The following ARHGAP24 variants were observed in gnomAD, a reference collection of about 807,000 sequenced individuals.
The protein encoded by ARHGAP24 is rho GTPase-activating protein 24.
In ARHGAP24, 50 loss-of-function variants were observed where a neutral mutation model predicts 76.4. The observed-to-expected ratio is 0.65, with a 90% CI of 0.52 to 0.83. The LOEUF (loss-of-function observed/expected upper bound fraction) is 0.83. Ranked by LOEUF, ARHGAP24 falls within the 40% of genes least tolerant of loss-of-function variation. ARHGAP24 has a pLI of 0.00. For synonymous variants in ARHGAP24, 345 were observed against 323.3 expected, an observed-to-expected ratio of 1.07 and a Z score of -0.72; for missense variants, 930 against 914.2, an observed-to-expected ratio of 1.02 and a Z score of -0.22.
In ARHGAP24 at chr4:85,609,739, TG is replaced by T. The variant is rs564044924; in HGVS notation, c.180+39019del. ...TTGCACATATTAATGGGACACAGTG[TG>T]ATGTCTTAATGGATATATACATTGT... On this transcript the variant is annotated intron_variant, in intron 2 of 9. Coordinates refer to ENST00000395184, the MANE Select transcript of ARHGAP24 (RefSeq NM_001025616.3). Among the ~76,000 whole-genome samples the T allele has an allele frequency of 3.0e-3, 458 of 152,300 alleles. 1 individual carries two copies. Among genetic ancestry groups the T allele is most frequent in the African/African-American group, 0.011 (441 of 41,568 alleles).
chr4:85,526,225 C>T (rs573607367), intron 1 of ARHGAP24, among the ~76,000 whole-genome samples: 4 of 151,878 alleles, frequency 2.6e-5, no homozygotes, highest in African/African-American at 4.8e-5. Flanking sequence ...GCCTGGACAA[C>T]GTGGCAAAAC....
At chr4:85,653,327 A>G (rs1722014580) in intron 2 of ARHGAP24, among the ~76,000 whole-genome samples, 1 of 152,182 alleles carries the variant, frequency 6.6e-6, no homozygotes, top group Admixed American at 6.5e-5. Flanking sequence ...TAATTTGGTA[A>G]AAGGGCCTAA....
intron 5 of ARHGAP24, among the ~76,000 whole-genome samples, chr4:85,965,332 C>A (rs1385491010): frequency 1.3e-5 from 2 of 152,024 alleles, no homozygotes; most frequent in Non-Finnish European, 2.9e-5. Context: ...AAAGACCAGC[C>A]CCCATGATTC....
intron 5 of ARHGAP24, among the ~76,000 whole-genome samples, chr4:85,949,626 G>T (rs1321322958): frequency 6.6e-6 from 1 of 152,144 alleles, no homozygotes; most frequent in African/African-American, 2.4e-5. Context: ...AGACAGTAAG[G>T]GTGGAAGCTA....
intron 2 of ARHGAP24, among the ~76,000 whole-genome samples, chr4:85,676,852 A>G (rs1026895961): frequency 2.0e-5 from 3 of 152,230 alleles, no homozygotes; most frequent in Admixed American, 2.0e-4. Context: ...TTGAAGTACA[A>G]TAGCATGGTA....
At chr4:85,513,893 G>A (rs1724382123) in intron 1 of ARHGAP24, among the ~76,000 whole-genome samples, 1 of 152,136 alleles carries the variant, frequency 6.6e-6, no homozygotes, top group African/African-American at 2.4e-5. Flanking sequence ...CTAAGTCACA[G>A]TTGCAGTATC....
At position 85,995,009 on chromosome 4, in the gene ARHGAP24, C is replaced by T. The variant is rs199568354; in HGVS notation, c.1355C>T (p.Thr452Ile). The T allele has an allele frequency of 8.4e-5, 135 of 1,613,936 alleles. 1 individual carries two copies. Among genetic ancestry groups the T allele is most frequent in the Non-Finnish European group, 1.4e-5 (17 of 1,180,032 alleles). ...GAAGGTCTTGAGAAAACCCAAACCA[C>T]CCCCAATGGGAGCCTACAGGCCAGA... Reference protein sequence around the residue: ...NAEGLEKTQTTPNGSLQARRS... With the variant: ...NAEGLEKTQTIPNGSLQARRS... Residue 452 changes from threonine to isoleucine, a missense_variant, in exon 9 of 10, where the codon ACC (threonine) becomes ATC (isoleucine). Physicochemically the swap from Thr to Ile is moderately conservative, Grantham distance 89 (BLOSUM62 -1). Transcript: ENST00000395184.
At chr4:85,904,694 G>T (rs1235863634) in intron 3 of ARHGAP24, among the ~76,000 whole-genome samples, 1 of 152,168 alleles carries the variant, frequency 6.6e-6, no homozygotes. Context: ...ATTCAGAAAT[G>T]AAATACCAAG....
At chr4:85,562,408 T>C (rs1183100861) in intron 1 of ARHGAP24, among the ~76,000 whole-genome samples, 1 of 146,202 alleles carries the variant, frequency 6.8e-6, no homozygotes, top group Non-Finnish European at 1.5e-5. Context: ...GTACACTTAG[T>C]TTTATGTGAA....
At chr4:85,689,763 G>T (rs1028535324) in intron 2 of ARHGAP24, among the ~76,000 whole-genome samples, 2 of 152,152 alleles carry the variant, frequency 1.3e-5, no homozygotes, top group African/African-American at 4.8e-5. Flanking sequence ...GGAGCCTTTT[G>T]TCAGAGTCTT....
intron 2 of ARHGAP24, among the ~76,000 whole-genome samples, chr4:85,721,558 C>A (rs761230447): frequency 6.6e-6 from 1 of 152,142 alleles, no homozygotes; most frequent in Non-Finnish European, 1.5e-5. Flanking sequence ...TAAGATTATA[C>A]TACCAATTAA....
intron 2 of ARHGAP24, among the ~76,000 whole-genome samples, chr4:85,669,121 C>G (rs1722735282): frequency 6.6e-6 from 1 of 152,134 alleles, no homozygotes; most frequent in Non-Finnish European, 1.5e-5. Flanking sequence ...AGTGACCACA[C>G]TATTCATTGT....
At chr4:85,677,870 AG>A (rs1332716176) in intron 2 of ARHGAP24, among the ~76,000 whole-genome samples, 2 of 152,120 alleles carry the variant, frequency 1.3e-5, no homozygotes, top group Non-Finnish European at 2.9e-5. Flanking sequence ...AAACATAGCA[AG>A]ACCCTATCTC....
chr4:85,927,192 G>A (rs1400868990), intron 4 of ARHGAP24, among the ~76,000 whole-genome samples: 1 of 152,068 alleles, frequency 6.6e-6, no homozygotes, highest in Non-Finnish European at 1.5e-5. Flanking sequence ...ATAACACCAC[G>A]AATGAAGCTT....
At chr4:85,702,406 A>G (rs545791526) in intron 2 of ARHGAP24, among the ~76,000 whole-genome samples, 70 of 152,346 alleles carry the variant, frequency 4.6e-4, no homozygotes, top group Non-Finnish European at 7.9e-4. Context: ...GTTTTAGGTT[A>G]TTTATTAGCA....
At position 85,475,370 on chromosome 4, in the gene ARHGAP24, C is replaced by G. The variant is rs1312677811; in HGVS notation, c.-210C>G. ...CCATCGCAGGCGCAGCTCTCTCGGC[C>G]GCCTATTTCCTCCGAAACCCGCGCT... On this transcript the variant is annotated 5_prime_UTR_variant, in exon 1 of 10. Transcript: ENST00000395184. The G allele has an allele frequency of 6.5e-6, 1 of 152,808 alleles. No homozygotes were observed. The highest frequency in any genetic ancestry group is 1.5e-5 in the Non-Finnish European group (1 of 68,214). 9.5% of individuals were successfully genotyped at this position (152,808 alleles called of 1,614,324 possible).
At chr4:85,728,324 G>C (rs376034828) in intron 3 of ARHGAP24, among the ~76,000 whole-genome samples, 2 of 150,882 alleles carry the variant, frequency 1.3e-5, no homozygotes, top group East Asian at 2.0e-4. Context: ...ATCATTGACT[G>C]TAGTTTAAGA....
At chr4:85,564,970 A>ATATATATAT (rs1553914962) in intron 1 of ARHGAP24, among the ~76,000 whole-genome samples, 2 of 116,502 alleles carry the variant, frequency 1.7e-5, no homozygotes, top group Non-Finnish European at 3.6e-5. Flanking sequence ...ATATATATAT[A>ATATATATAT]CCCACACCCA....
At chr4:85,519,910 T>C (rs776481374) in intron 1 of ARHGAP24, among the ~76,000 whole-genome samples, 1 of 152,136 alleles carries the variant, frequency 6.6e-6, no homozygotes, top group African/African-American at 2.4e-5. Flanking sequence ...CTTACATCAT[T>C]TTCCATACAA....
Sources: gnomAD v4.1 joint callset for allele counts (sites outside exome capture counted in the v4.1 genomes callset) on GRCh38, gnomAD v4.1.1 for gene constraint, MANE v1.5 for transcripts, NCBI Gene and HGNC (gene_info 2026-07-23, HGNC 2026-07-21) for gene names.